MS4A4E: variants seen among roughly 807,000 people sequenced by gnomAD.
The protein encoded by MS4A4E is membrane spanning 4-domains A4E.
Under a neutral mutation model 13.3 loss-of-function variants are expected in MS4A4E, and 23 were observed. That is an observed-to-expected ratio of 1.73 (90% CI 1.25 to 2.45). The LOEUF (loss-of-function observed/expected upper bound fraction) is 2.45, where lower values mean the gene tolerates loss of function less well. Among genes scored for constraint, MS4A4E ranks in the 30% most tolerant of loss-of-function variants. MS4A4E has a pLI of 0.00. For missense variants in MS4A4E, 144 were observed against 131.2 expected, an observed-to-expected ratio of 1.10 and a Z score of -0.48; for synonymous variants, 36 against 45.6, an observed-to-expected ratio of 0.79 and a Z score of 0.85.
intron 1 of MS4A4E, among the ~76,000 whole-genome samples, chr11:60,234,202 A>G (rs899120773): frequency 1.3e-5 from 2 of 152,176 alleles, no homozygotes; most frequent in African/African-American, 4.8e-5. Flanking sequence ...CATACCTTGA[A>G]TCTCATCCAT....
chr11:60,237,596 C>T (rs1394598156), intron 1 of MS4A4E, among the ~76,000 whole-genome samples: 2 of 152,116 alleles, frequency 1.3e-5, no homozygotes, highest in African/African-American at 2.4e-5. Flanking sequence ...TCCATAACCT[C>T]GTTAGTATCT....
chr11:60,242,735 C>A (rs2084566187), intron 1 of MS4A4E, among the ~76,000 whole-genome samples: 1 of 152,184 alleles, frequency 6.6e-6, no homozygotes. Flanking sequence ...GGAGGCTTTT[C>A]TAACTCCCAT....
chr11:60,212,558 C>T (rs1435530989), intron 5 of MS4A4E, among the ~76,000 whole-genome samples: 1 of 152,172 alleles, frequency 6.6e-6, no homozygotes. Flanking sequence ...ATCCGCCTGG[C>T]TCGGCCTCCC....
intron 1 of MS4A4E, among the ~76,000 whole-genome samples, chr11:60,242,234 T>C (rs1359247570): frequency 2.0e-5 from 3 of 152,242 alleles, no homozygotes; most frequent in African/African-American, 7.2e-5. Context: ...TTAACTTGTG[T>C]GATTCTAGGT....
chr11:60,242,963 T>A lies in MS4A4E; in HGVS notation c.-22A>T. On this transcript the variant is annotated 5_prime_UTR_variant, in exon 1 of 9. The change creates a new upstream start codon in the 5' untranslated region. Coordinates refer to ENST00000651255, the MANE Select transcript of MS4A4E (RefSeq NM_001393391.1). Reference sequence around the variant, plus strand: ...AGGCAAGTCCCTGGACCTACCTTTCTTCAGGCCTGCAATGTCTGCTGCAGG... The same window carrying A: ...AGGCAAGTCCCTGGACCTACCTTTCATCAGGCCTGCAATGTCTGCTGCAGG... 1 of 1,576,854 alleles carries A rather than the reference T, an allele frequency of 6.3e-7. No individual in the cohort carries two copies. Among genetic ancestry groups the A allele is most frequent in the Non-Finnish European group, 8.7e-7 (1 of 1,150,554 alleles).
intron 3 of MS4A4E, among the ~76,000 whole-genome samples, chr11:60,217,831 T>C (rs2084216000): frequency 6.6e-6 from 1 of 152,116 alleles, no homozygotes; most frequent in Non-Finnish European, 1.5e-5. Context: ...CCTGTAATAA[T>C]TGCATTAACT....
intron 8 of MS4A4E, among the ~76,000 whole-genome samples, chr11:60,203,642 G>C (rs888425563): frequency 2.0e-5 from 3 of 152,258 alleles, no homozygotes; most frequent in African/African-American, 7.2e-5. Flanking sequence ...CCAGCTACTT[G>C]GGAGGCTGAG....
intron 3 of MS4A4E, among the ~76,000 whole-genome samples, chr11:60,224,632 A>C (rs1195765696): frequency 6.6e-6 from 1 of 152,196 alleles, no homozygotes; most frequent in African/African-American, 2.4e-5. Flanking sequence ...AAATCCTTAC[A>C]CCACCAAATT....
chr11:60,219,528 C>G (rs982893090), intron 3 of MS4A4E, among the ~76,000 whole-genome samples: 1 of 152,092 alleles, frequency 6.6e-6, no homozygotes, highest in Non-Finnish European at 1.5e-5. Context: ...GTCGAGTGGA[C>G]AAAACACTAA....
intron 1 of MS4A4E, among the ~76,000 whole-genome samples, chr11:60,232,109 TG>T (rs2084418058): frequency 6.6e-6 from 1 of 151,912 alleles, no homozygotes; most frequent in Non-Finnish European, 1.5e-5. Context: ...ATTAGTCAAC[TG>T]GAAAAAAATT....
intron 5 of MS4A4E, among the ~76,000 whole-genome samples, chr11:60,210,282 G>A (rs1359604210): frequency 6.6e-6 from 1 of 152,202 alleles, no homozygotes; most frequent in Non-Finnish European, 1.5e-5. Context: ...GCCCAGGCAA[G>A]AATAGACCCA....
intron 1 of MS4A4E, among the ~76,000 whole-genome samples, chr11:60,231,171 G>T (rs1482859987): frequency 6.6e-6 from 1 of 151,806 alleles, no homozygotes; most frequent in Non-Finnish European, 1.5e-5. Flanking sequence ...GAGGGGAAAA[G>T]TTAAAATGAA....
At chr11:60,228,224 A>C (rs2084367436) in intron 3 of MS4A4E, among the ~76,000 whole-genome samples, 1 of 152,248 alleles carries the variant, frequency 6.6e-6, no homozygotes, top group Non-Finnish European at 1.5e-5. Flanking sequence ...CAAAATATAC[A>C]ACGAAATTCA....
At chr11:60,241,486 T>C (rs1190394452) in intron 1 of MS4A4E, among the ~76,000 whole-genome samples, 1 of 152,214 alleles carries the variant, frequency 6.6e-6, no homozygotes, top group Non-Finnish European at 1.5e-5. Flanking sequence ...GGCCGAGCCA[T>C]TATATCAAAT....
At chr11:60,222,790 C>A (rs1030521238) in intron 3 of MS4A4E, among the ~76,000 whole-genome samples, 1 of 152,100 alleles carries the variant, frequency 6.6e-6, no homozygotes, top group Non-Finnish European at 1.5e-5. Context: ...CTCCTCTTAC[C>A]TCTAAGTCAA....
At chr11:60,230,958 G>A (rs967961670) in intron 1 of MS4A4E, among the ~76,000 whole-genome samples, 1 of 152,076 alleles carries the variant, frequency 6.6e-6, no homozygotes, top group Non-Finnish European at 1.5e-5. Flanking sequence ...GTTTGGAGAT[G>A]TGTGCCCTTT....
At chr11:60,206,967 T>G (rs2084055864) in intron 6 of MS4A4E, among the ~76,000 whole-genome samples, 1 of 152,142 alleles carries the variant, frequency 6.6e-6, no homozygotes, top group African/African-American at 2.4e-5. Context: ...TGCCCTGGTC[T>G]CGCAAGAGGA....
intron 3 of MS4A4E, 138 bp downstream of exon 3, chr11:60,228,456 C>A (rs1180592317): frequency 4.0e-6 from 2 of 502,538 alleles, no homozygotes; most frequent in Non-Finnish European, 7.0e-6. Flanking sequence ...CAAATGCTAG[C>A]AATTATGTAG....
At chr11:60,230,734 T>C (rs1043100486) in intron 1 of MS4A4E, among the ~76,000 whole-genome samples, 2 of 152,244 alleles carry the variant, frequency 1.3e-5, no homozygotes, top group African/African-American at 2.4e-5. Context: ...CACAAAGATA[T>C]TACTTTTATG....
Sources: allele counts gnomAD v4.1 joint callset (sites outside exome capture counted in the v4.1 genomes callset), GRCh38; gene constraint gnomAD v4.1.1; transcripts MANE v1.5; gene names NCBI Gene and HGNC (gene_info 2026-07-23, HGNC 2026-07-21).